The following SOX5 variants were observed in gnomAD, a reference collection of about 807,000 sequenced individuals.
SOX5 encodes the protein SRY-box transcription factor 5.
SOX5 carries 9 observed loss-of-function variants against 92.0 expected under a neutral mutation model. That is an observed-to-expected ratio of 0.10 (90% CI 0.06 to 0.17). The LOEUF (loss-of-function observed/expected upper bound fraction) is 0.17, where lower values mean the gene tolerates loss of function less well. Among genes scored for constraint, SOX5 ranks in the 10% least tolerant of loss-of-function variants. The pLI, the probability that SOX5 is intolerant of heterozygous loss-of-function variation, is 1.00. For missense variants in SOX5, 642 were observed against 944.5 expected, an observed-to-expected ratio of 0.68 and a Z score of 4.20; for synonymous variants, 344 against 336.3, an observed-to-expected ratio of 1.02 and a Z score of -0.25.
At chr12:23,550,106 T>C (rs1591974052) in intron 11 of SOX5, among the ~76,000 whole-genome samples, 2 of 151,982 alleles carry the variant, frequency 1.3e-5, no homozygotes, top group East Asian at 1.9e-4. Context: ...TCCCAGGCTA[T>C]GGTGGGAATC....
chr12:24,230,342 T>C (rs1276539530), intron 3 of SOX5, among the ~76,000 whole-genome samples: 2 of 151,862 alleles, frequency 1.3e-5, no homozygotes, highest in African/African-American at 4.8e-5. Context: ...ATGGCAGAAA[T>C]GAAATAGTGC....
In SOX5 at chr12:23,575,739, T is replaced by C. The variant is rs1949006242; in HGVS notation, c.1264A>G (p.Ile422Val). ...PTSPHMPALRINSGAGPLKAS... is the reference protein window; with the variant it reads ...PTSPHMPALRVNSGAGPLKAS... ...TTGAGGGGGCCTGCCCCACTGTTTA[T>C]TCTCAGAGCTGGCATATGGGGAGAG... The change falls in exon 10 of 15, where the codon ATA becomes GTA. Residue 422 changes from isoleucine to valine, a missense_variant. Transcript: ENST00000451604. The C allele has an allele frequency of 6.2e-7, 1 of 1,613,890 alleles. No homozygotes were observed. Among genetic ancestry groups the C allele is most frequent in the South Asian group, 1.1e-5 (1 of 91,062 alleles).
chr12:24,495,379 T>C (rs112314688), intron 1 of SOX5, among the ~76,000 whole-genome samples: 1 of 152,326 alleles, frequency 6.6e-6, no homozygotes, highest in Non-Finnish European at 1.5e-5. Flanking sequence ...TTCTGGTTCT[T>C]ATTCTTTTTC....
intron 3 of SOX5, among the ~76,000 whole-genome samples, chr12:23,779,091 T>C (rs913186913): frequency 2.0e-5 from 3 of 152,192 alleles, no homozygotes; most frequent in African/African-American, 7.2e-5. Flanking sequence ...GATACTTTCA[T>C]AGTAAAACTT....
At chr12:23,717,615 A>G (rs2092581151) in intron 6 of SOX5, among the ~76,000 whole-genome samples, 1 of 152,178 alleles carries the variant, frequency 6.6e-6, no homozygotes, top group Non-Finnish European at 1.5e-5. Flanking sequence ...GTAAAAAGAG[A>G]GCCTCAGTGA....
At chr12:23,885,038 T>C (rs1162477379) in intron 2 of SOX5, among the ~76,000 whole-genome samples, 1 of 152,156 alleles carries the variant, frequency 6.6e-6, no homozygotes, top group Non-Finnish European at 1.5e-5. Flanking sequence ...GAATCTCAGA[T>C]ACACAAGCAT....
intron 4 of SOX5, among the ~76,000 whole-genome samples, chr12:24,037,649 T>C (rs1956172615): frequency 6.6e-6 from 1 of 152,172 alleles, no homozygotes; most frequent in African/African-American, 2.4e-5. Context: ...AAATTCAAAA[T>C]ATCCCAGTCT....
At chr12:23,793,595 A>G (rs2095513860) in intron 3 of SOX5, among the ~76,000 whole-genome samples, 1 of 152,216 alleles carries the variant, frequency 6.6e-6, no homozygotes, top group Non-Finnish European at 1.5e-5. Flanking sequence ...GAATTGCTTG[A>G]CGCAAATTTA....
intron 6 of SOX5, among the ~76,000 whole-genome samples, chr12:23,703,841 A>G (rs2091007799): frequency 6.6e-6 from 1 of 151,908 alleles, no homozygotes; most frequent in Admixed American, 6.6e-5. Flanking sequence ...TAAGCTTCTC[A>G]GGAACGATGA....
chr12:24,214,982 C>T (rs867591033), intron 3 of SOX5, among the ~76,000 whole-genome samples: 7 of 151,956 alleles, frequency 4.6e-5, no homozygotes, highest in East Asian at 1.9e-4. Flanking sequence ...ACATACCATA[C>T]CATATTAATA....
chr12:23,973,160 CTT>C (rs60609193), intron 4 of SOX5, among the ~76,000 whole-genome samples: 197 of 111,968 alleles, frequency 1.8e-3, no homozygotes, highest in East Asian at 7.9e-3. Context: ...TAACTTTTTT[CTT>C]TTTTTTTTTT....
chr12:24,179,339 T>A (rs577724911), intron 4 of SOX5, among the ~76,000 whole-genome samples: 81 of 152,246 alleles, frequency 5.3e-4, no homozygotes, highest in African/African-American at 1.9e-3. Context: ...CGACTTACAA[T>A]TTTTTTGGCT....
rs557479539 is a variant in SOX5, at chr12:24,334,168, T to G, written c.-174+34395A>C. ...AAATAAAATCATTAAATTTAGAAAA[T>G]TAGAAAAAGGTATATGTGATTAGTT... On this transcript the variant is annotated intron_variant, in intron 2 of 4. Coordinates refer to the SOX5 transcript ENST00000446891. 3.3e-5 allele frequency among the ~76,000 whole-genome samples: 5 copies of G among 151,590 alleles called. No individual in the cohort carries two copies. The South Asian group carries it at 1.0e-3, about 32-fold the overall frequency.
chr12:23,940,960 G>A (rs1943521027), intron 1 of SOX5, among the ~76,000 whole-genome samples: 1 of 151,364 alleles, frequency 6.6e-6, no homozygotes, highest in South Asian at 2.1e-4. Context: ...ATTTTTTCAA[G>A]ATGGAATACT....
chr12:23,950,302 G>T (rs1294254391), upstream of SOX5, among the ~76,000 whole-genome samples: 1 of 151,294 alleles, frequency 6.6e-6, no homozygotes, highest in South Asian at 2.1e-4. Context: ...ACAACAATCA[G>T]GCATTGTTCT....
chr12:23,652,527 T>TC (rs1357829519), intron 7 of SOX5, among the ~76,000 whole-genome samples: 2 of 151,600 alleles, frequency 1.3e-5, no homozygotes, highest in African/African-American at 2.4e-5. Flanking sequence ...GTTTTTTTTT[T>TC]TTTTTGAGCA....
chr12:24,558,347 G>A (rs751139862), intron 1 of SOX5, among the ~76,000 whole-genome samples: 5 of 152,066 alleles, frequency 3.3e-5, no homozygotes, highest in Admixed American at 6.5e-5. Flanking sequence ...AAAGGAGCAG[G>A]GCTTTGGAGG....
intron 1 of SOX5, among the ~76,000 whole-genome samples, chr12:23,905,679 A>G (rs2097285590): frequency 6.6e-6 from 1 of 152,218 alleles, no homozygotes; most frequent in African/African-American, 2.4e-5. Context: ...TAAATACAGC[A>G]AAACTGAAGG....
rs899852990 is a variant in SOX5 at position 23,704,533 on chromosome 12, G to T, written c.810+30151C>A. 9.3e-5 allele frequency among the ~76,000 whole-genome samples: 14 copies of T among 151,340 alleles called. No individual in the cohort carries two copies. The South Asian group carries it at 1.9e-3, about 20-fold the overall frequency. On this transcript the variant is annotated intron_variant, in intron 6 of 14. Transcript: ENST00000451604. The stretch of plus-strand genomic sequence containing the variant: ...TGACTCTACAAACAATAAGGTGAGG[G>T]TGACGTATAACGACACCTAGGAAAG...
Sources: gnomAD v4.1 joint callset for allele counts (sites outside exome capture counted in the v4.1 genomes callset) on GRCh38, gnomAD v4.1.1 for gene constraint, MANE v1.5 for transcripts, NCBI Gene and HGNC (gene_info 2026-07-23, HGNC 2026-07-21) for gene names.